The following PTPRB variants were observed in gnomAD, a reference collection of about 807,000 sequenced individuals.
PTPRB encodes the protein receptor-type tyrosine-protein phosphatase beta.
A neutral mutation model predicts 238.1 loss-of-function variants in PTPRB; 97 were observed. The ratio of observed to expected loss-of-function variants is 0.41; its 90% CI spans 0.35 to 0.48. The LOEUF is 0.48. PTPRB is among the 20% of genes least tolerant of loss of function. The probability of loss-of-function intolerance (pLI) is 0.30; values close to 1 mark genes in which losing one functional copy is unlikely to be tolerated. For synonymous variants in PTPRB, 970 were observed against 995.4 expected, an observed-to-expected ratio of 0.97 and a Z score of 0.48; for missense variants, 2,292 against 2,681.9, an observed-to-expected ratio of 0.85 and a Z score of 3.21.
intron 4 of PTPRB, among the ~76,000 whole-genome samples, chr12:70,602,885 A>G (rs1883632604): frequency 6.6e-6 from 1 of 152,216 alleles, no homozygotes; most frequent in African/African-American, 2.4e-5. Flanking sequence ...TTATATGTTT[A>G]GGGGTATATG....
rs376000314 is a variant in PTPRB, at chr12:70,557,884, C to A, written c.4714+1459G>T. On this transcript the variant is annotated intron_variant, in intron 18 of 33. Transcript: ENST00000334414. ...TCTGAGGAGACAGGACAGGGTCCTTCTACTGTGGCCCGAGAGGGGTGCACT... is the reference window on the plus strand; with the variant it reads ...TCTGAGGAGACAGGACAGGGTCCTTATACTGTGGCCCGAGAGGGGTGCACT... Among the ~76,000 whole-genome samples the A allele has an allele frequency of 2.6e-4, 40 of 152,310 alleles. No individual in the cohort carries two copies. In the South Asian group the frequency reaches 8.1e-3, roughly 31 times the overall value.
At chr12:70,637,175 C>T (rs1254190431) in intron 1 of PTPRB, among the ~76,000 whole-genome samples, 166 bp downstream of exon 1, 1 of 152,122 alleles carries the variant, frequency 6.6e-6, no homozygotes, top group Admixed American at 6.5e-5. Flanking sequence ...GAAATCTCAA[C>T]AGTATGGGCA....
chr12:70,585,449 C>T (rs1344209547), intron 9 of PTPRB, among the ~76,000 whole-genome samples: 1 of 151,968 alleles, frequency 6.6e-6, no homozygotes, highest in African/African-American at 2.4e-5. Flanking sequence ...CCCCATGTGT[C>T]CAAGGAGGGA....
chr12:70,630,334 TA>T (rs1885391740), intron 2 of PTPRB, among the ~76,000 whole-genome samples: 1 of 152,248 alleles, frequency 6.6e-6, no homozygotes, highest in East Asian at 1.9e-4. Context: ...ATTATCTCAA[TA>T]GATGCAGAAA....
intron 2 of PTPRB, among the ~76,000 whole-genome samples, chr12:70,634,949 G>A (rs1885617298): frequency 6.6e-6 from 1 of 152,180 alleles, no homozygotes; most frequent in Non-Finnish European, 1.5e-5. Flanking sequence ...AACTTCAAGA[G>A]AAGATTAAAC....
At chr12:70,602,504 A>G (rs759459172) in intron 4 of PTPRB, among the ~76,000 whole-genome samples, 12 of 152,196 alleles carry the variant, frequency 7.9e-5, no homozygotes, top group Non-Finnish European at 1.8e-4. Context: ...CTGTCACTTG[A>G]TATGTACTTC....
At chr12:70,576,157 A>T (rs1453516391) in intron 11 of PTPRB, among the ~76,000 whole-genome samples, 1 of 152,258 alleles carries the variant, frequency 6.6e-6, no homozygotes, top group Non-Finnish European at 1.5e-5. Flanking sequence ...AAAGTACTCC[A>T]TAAACGGGAA....
Position 70,609,207 on chromosome 12 carries a change from G to A in PTPRB, c.841C>T (p.Leu281=). 1 of 1,614,054 alleles carries A rather than the reference G, an allele frequency of 6.2e-7. No homozygotes were observed. Among genetic ancestry groups the A allele is most frequent in the Admixed American group, 1.7e-5 (1 of 60,030 alleles). Residue 281 remains leucine, a synonymous_variant, in exon 4 of 34, where the codon CTG becomes TTG. Coordinates refer to ENST00000334414, the MANE Select transcript of PTPRB (RefSeq NM_001109754.4). ...NFSLIYSSDT[L]GAALCPTFRI... ...AAGGTAGGGCACAACGCGGCCCCCA[G>A]GGTGTCACTGCTATAGATGAGGCTA...
chr12:70,560,551 G>A lies in PTPRB; in HGVS notation c.4432+120C>T, dbSNP rs575469974. On this transcript the variant is annotated intron_variant, in intron 17 of 33. Transcript: ENST00000334414. This position sits in a 1 kb window ranked among gnomAD's most constrained non-coding sequence, Gnocchi z 4.2. ...GTCCCACAGTCCCTTCCCAAATTCA[G>A]GGGCTAGCTCAGGGTATATCATTAT... is the stretch of plus-strand genomic sequence containing the variant. 1.3e-4 allele frequency: 169 copies of A among 1,324,920 alleles called. No homozygotes were observed. Among genetic ancestry groups the A allele is most frequent in the Non-Finnish European group, 1.7e-4 (165 of 977,216 alleles). The allele number at this position is 1,324,920 out of a possible 1,614,324, so 82.1% of individuals were successfully genotyped here.
chr12:70,613,936 A>G (rs1218477303), intron 3 of PTPRB, among the ~76,000 whole-genome samples: 1 of 152,200 alleles, frequency 6.6e-6, no homozygotes. Flanking sequence ...GAAGAGAAAA[A>G]AGAGGGAAGA....
At chr12:70,546,173 G>A (rs1185612317) in intron 21 of PTPRB, among the ~76,000 whole-genome samples, 1 of 151,878 alleles carries the variant, frequency 6.6e-6, no homozygotes, top group Non-Finnish European at 1.5e-5. Context: ...GGTGAAGGAG[G>A]ATATGCTTTG....
chr12:70,557,016 C>A (rs1425911090), intron 18 of PTPRB, among the ~76,000 whole-genome samples: 2 of 152,158 alleles, frequency 1.3e-5, no homozygotes, highest in East Asian at 3.8e-4. Flanking sequence ...GGAAAACATA[C>A]CAGAAGAAAT....
chr12:70,636,934 A>G (rs192828680), intron 1 of PTPRB, among the ~76,000 whole-genome samples: 3 of 152,154 alleles, frequency 2.0e-5, no homozygotes, highest in Non-Finnish European at 4.4e-5. Flanking sequence ...AATAAAACAC[A>G]CTACATTTCC....
rs751091016 is a variant in PTPRB at position 70,581,309 on chromosome 12, CAGT to C, written c.2312-10_2312-8del. 3.1e-5 allele frequency: 49 copies of C among 1,597,038 alleles called. No homozygotes were observed. The Admixed American group carries it at 8.2e-4, about 27-fold the overall frequency. On this transcript the variant is annotated splice_polypyrimidine_tract_variant and splice_region_variant and intron_variant, in intron 9 of 33. Coordinates refer to ENST00000334414, the MANE Select transcript of PTPRB (RefSeq NM_001109754.4). ...TCAGTCACTTGGGCAGGCACTAAAA[CAGT>C]AGACAGAAGAAAAAACAAATGACAC...
At chr12:70,538,100 T>C (rs2136244464) in intron 28 of PTPRB, 55 bp downstream of exon 28, 1 of 1,428,076 alleles carries the variant, frequency 7.0e-7, no homozygotes, top group South Asian at 1.3e-5. Flanking sequence ...GCATCTCCAG[T>C]GTAGCCACCC....
At chr12:70,636,970 A>C (rs1885728490) in intron 1 of PTPRB, among the ~76,000 whole-genome samples, 2 of 152,130 alleles carry the variant, frequency 1.3e-5, no homozygotes, top group South Asian at 2.1e-4. Context: ...ATATTCCTTC[A>C]ATTTTCTTTC....
intron 3 of PTPRB, among the ~76,000 whole-genome samples, chr12:70,613,481 C>G (rs934693506): frequency 3.3e-5 from 5 of 152,006 alleles, no homozygotes; most frequent in African/African-American, 7.3e-5. Context: ...TCAGCCACTC[C>G]TCCCCAGGCT....
Position 70,581,321 on chromosome 12 carries a change from G to GA in PTPRB, c.2312-20dup, listed in dbSNP as rs1565974186. On this transcript the variant is annotated intron_variant, in intron 9 of 33. Transcript: ENST00000334414. ...GCAGGCACTAAAACAGTAGACAGAA[G>GA]AAAAAACAAATGACACTTAGTCACC... 3 of 1,577,966 alleles carry GA rather than the reference G, an allele frequency of 1.9e-6. No individual in the cohort carries two copies. Among genetic ancestry groups the GA allele is most frequent in the Non-Finnish European group, 2.6e-6 (3 of 1,163,942 alleles).
rs1871345532 is a variant in PTPRB, at chr12:70,518,329, A to C, written c.*3160T>G. The stretch of plus-strand genomic sequence containing the variant: ...GCACCTGTAATTCCAGCTACTTGGG[A>C]GGCTAAGGCAGAATCGCTTGAACCT... On this transcript the variant is annotated 3_prime_UTR_variant, in exon 34 of 34. Coordinates refer to ENST00000334414, the MANE Select transcript of PTPRB (RefSeq NM_001109754.4). 6.6e-6 allele frequency: 1 copy of C among 152,180 alleles called. No individual in the cohort carries two copies. Among genetic ancestry groups the C allele is most frequent in the Non-Finnish European group, 1.5e-5 (1 of 68,078 alleles). The allele number at this position is 152,180 out of a possible 1,614,324, so 9.4% of individuals were successfully genotyped here.
Sources: allele counts gnomAD v4.1 joint callset (sites outside exome capture counted in the v4.1 genomes callset), GRCh38; gene constraint gnomAD v4.1.1; non-coding constraint Gnocchi (gnomAD v3.1); transcripts MANE v1.5; gene names NCBI Gene and HGNC (gene_info 2026-07-23, HGNC 2026-07-21).